EIF4H: variants seen among roughly 807,000 people sequenced by gnomAD.
The protein encoded by EIF4H is Williams-Beuren syndrome chromosome region 1.
A neutral mutation model predicts 30.6 loss-of-function variants in EIF4H; 8 were observed. That is an observed-to-expected ratio of 0.26 (90% CI 0.15 to 0.47). The LOEUF (loss-of-function observed/expected upper bound fraction) is 0.47, where lower values mean the gene tolerates loss of function less well. Ranked by LOEUF, EIF4H falls within the 20% of genes least tolerant of loss-of-function variation. The pLI is 0.99. For missense variants in EIF4H, 188 were observed against 339.5 expected (o/e 0.55, Z 3.51); for synonymous variants, 106 against 122.7 (o/e 0.86, Z 0.90).
At chr7:74,177,630 AG>A (rs1207884202) in intron 1 of EIF4H, among the ~76,000 whole-genome samples, 4 of 152,340 alleles carry the variant, frequency 2.6e-5, no homozygotes, top group South Asian at 4.1e-4. Flanking sequence ...CACTGATGCT[AG>A]GGCCTGTAAA....
At chr7:74,176,448 C>CA (rs1800842510) in intron 1 of EIF4H, among the ~76,000 whole-genome samples, 2 of 152,168 alleles carry the variant, frequency 1.3e-5, no homozygotes, top group African/African-American at 4.8e-5. Flanking sequence ...CACTGCTTTA[C>CA]AATGCTTAAG....
rs1455758948 is a variant in EIF4H at position 74,194,470 on chromosome 7, C to T, written c.470-271C>T. On this transcript the variant is annotated intron_variant, in intron 5 of 6. Transcript: ENST00000265753. ...GTTTCGTGGTATTAATATTTTTCTACTTTTCATGCAAGCTGAGCATGTAAA... is the reference window on the plus strand; with the variant it reads ...GTTTCGTGGTATTAATATTTTTCTATTTTTCATGCAAGCTGAGCATGTAAA... Among the ~76,000 whole-genome samples, 3 of 152,170 alleles carry T rather than the reference C, an allele frequency of 2.0e-5. No individual in the cohort carries two copies. The East Asian group carries it at 5.8e-4, about 29-fold the overall frequency.
At chr7:74,175,525 G>A (rs1425670370) in intron 1 of EIF4H, among the ~76,000 whole-genome samples, 1 of 152,088 alleles carries the variant, frequency 6.6e-6, no homozygotes, top group East Asian at 1.9e-4. Context: ...AGCTTGTTTC[G>A]GGGCAGGAGT....
Position 74,194,843 on chromosome 7 carries a change from G to A in EIF4H, c.572G>A (p.Arg191His), listed in dbSNP as rs1355358098. Residue 191 changes from arginine (R) to histidine (H), a missense_variant, in exon 6 of 7, where the codon CGT becomes CAT. Around this residue, in one of 4 missense-constraint regions of EIF4H, gnomAD observed 76 missense variants for 85.8 expected, o/e 0.89. Coordinates refer to ENST00000265753, the MANE Select transcript of EIF4H (RefSeq NM_022170.2). ...CGCTTCAGAGATGGCCCTCCCCTCC[G>A]TGGATCCAACATGGATTTCAGAGAA... ...GSRFRDGPPL[R>H]GSNMDFREPT... The A allele has an allele frequency of 6.9e-6, 11 of 1,602,258 alleles. No individual in the cohort carries two copies. The highest frequency in any genetic ancestry group is 1.3e-5 in the African/African-American group (1 of 74,724).
intron 5 of EIF4H, among the ~76,000 whole-genome samples, chr7:74,191,752 T>G (rs1554709994): frequency 9.9e-5 from 15 of 152,178 alleles, no homozygotes; most frequent in Non-Finnish European, 2.9e-5. Context: ...ATGAATAGTT[T>G]GCTTCCTAGA....
chr7:74,182,126 A>C (rs1292720141), intron 1 of EIF4H, among the ~76,000 whole-genome samples: 1 of 152,174 alleles, frequency 6.6e-6, no homozygotes, highest in African/African-American at 2.4e-5. Context: ...AGTTTTTGCA[A>C]AGATGACTTT....
intron 1 of EIF4H, among the ~76,000 whole-genome samples, chr7:74,181,917 A>G (rs906106659): frequency 2.0e-5 from 3 of 149,748 alleles, no homozygotes; most frequent in East Asian, 4.0e-4. Flanking sequence ...GGGTTTCACC[A>G]TGTTGGCCGG....
At chr7:74,187,513 C>A (rs1262486373) in intron 1 of EIF4H, 98 bp from the exon 2 acceptor site, 16 of 1,269,236 alleles carry the variant, frequency 1.3e-5, no homozygotes, top group Non-Finnish European at 1.6e-5. Context: ...GAGTGCCTCA[C>A]CTGGGGCGCT....
chr7:74,185,006 A>G (rs939500216), intron 1 of EIF4H, among the ~76,000 whole-genome samples: 10 of 151,754 alleles, frequency 6.6e-5, no homozygotes, highest in African/African-American at 1.2e-4. Flanking sequence ...TTGTTTCTTC[A>G]GTTGGAGACA....
chr7:74,182,719 T>C (rs1323154921), intron 1 of EIF4H, among the ~76,000 whole-genome samples: 3 of 152,208 alleles, frequency 2.0e-5, no homozygotes, highest in Non-Finnish European at 2.9e-5. Flanking sequence ...CACTCAACTT[T>C]CTGTTGCATC....
chr7:74,178,067 A>G (rs1192065161), intron 1 of EIF4H, among the ~76,000 whole-genome samples: 2 of 152,026 alleles, frequency 1.3e-5, no homozygotes, highest in Non-Finnish European at 2.9e-5. Flanking sequence ...CAGCCTCCCA[A>G]GTAGCTGGGA....
intron 1 of EIF4H, among the ~76,000 whole-genome samples, chr7:74,186,178 T>C (rs1272883644): frequency 1.3e-5 from 2 of 151,980 alleles, no homozygotes; most frequent in African/African-American, 4.8e-5. Context: ...GGCATTCTTA[T>C]GGCAAATATC....
At chr7:74,178,114 AT>A (rs1365057689) in intron 1 of EIF4H, among the ~76,000 whole-genome samples, 2 of 151,768 alleles carry the variant, frequency 1.3e-5, no homozygotes, top group Admixed American at 6.6e-5. Context: ...TAATTTTTGT[AT>A]TTTTTTGTAG....
intron 1 of EIF4H, among the ~76,000 whole-genome samples, chr7:74,184,137 C>A (rs1454815267): frequency 6.6e-6 from 1 of 152,078 alleles, no homozygotes; most frequent in Non-Finnish European, 1.5e-5. Context: ...GGTAACGTGC[C>A]AACTTTTCAA....
rs1801341217 is a variant in EIF4H, at chr7:74,195,934, T to C, written c.*626T>C. 6.5e-6 allele frequency: 1 copy of C among 152,906 alleles called. No individual in the cohort carries two copies. The highest frequency in any genetic ancestry group is 1.5e-5 in the Non-Finnish European group (1 of 68,032). The allele number at this position is 152,906 out of a possible 1,614,324, so 9.5% of individuals were successfully genotyped here. A position where few individuals can be genotyped will look rare whatever the true frequency, so the allele number is the denominator to read the frequency against. ...CTATTTAGAGGGAGTCCTGGCTCCA[T>C]GACCCCCTCCCGAGTGGACTGTCCA... On this transcript the variant is annotated 3_prime_UTR_variant, in exon 7 of 7. Coordinates refer to ENST00000265753, the MANE Select transcript of EIF4H (RefSeq NM_022170.2).
chr7:74,178,756 G>C (rs1554708030), intron 1 of EIF4H, among the ~76,000 whole-genome samples: 1 of 152,134 alleles, frequency 6.6e-6, no homozygotes, highest in Non-Finnish European at 1.5e-5. Flanking sequence ...ACCCGGGCAT[G>C]AAATGAGTGT....
rs782759452 is a variant in EIF4H at position 74,188,820 on chromosome 7, A to G, written c.248-853A>G. 3.3e-5 allele frequency among the ~76,000 whole-genome samples: 5 copies of G among 152,128 alleles called. No individual in the cohort carries two copies. The South Asian group carries it at 6.2e-4, about 19-fold the overall frequency. The stretch of plus-strand genomic sequence containing the variant: ...CTGTTGCTTCTGTGAAGTTGGGGGT[A>G]GTTTTCTCCATTATTCTCAACATTG... On this transcript the variant is annotated intron_variant, in intron 2 of 6. Transcript: ENST00000265753.
In EIF4H at chr7:74,187,809, G is replaced by A; in HGVS notation, c.247+11G>A. 1 of 1,598,176 alleles carries A rather than the reference G, an allele frequency of 6.3e-7. No individual in the cohort carries two copies. On this transcript the variant is annotated intron_variant, in intron 2 of 6. Coordinates refer to ENST00000265753, the MANE Select transcript of EIF4H (RefSeq NM_022170.2). ...CAGATAAATTTAAAGGTGAGTTTGG[G>A]GGATTCTTATTGTATATTACTGTAA...
chr7:74,176,465 A>G (rs1800843267), intron 1 of EIF4H, among the ~76,000 whole-genome samples: 1 of 152,216 alleles, frequency 6.6e-6, no homozygotes. Flanking sequence ...TAAGCATCAT[A>G]GAAGATTGCC....
Sources: allele counts gnomAD v4.1 joint callset (sites outside exome capture counted in the v4.1 genomes callset), GRCh38; gene constraint gnomAD v4.1.1; regional missense constraint gnomAD v4.1.1; transcripts MANE v1.5; gene names NCBI Gene and HGNC (gene_info 2026-07-23, HGNC 2026-07-21).